The following WDR41 variants were observed in gnomAD, a reference collection of about 807,000 sequenced individuals.
WDR41 encodes WD repeat domain 41.
WDR41 carries 63 observed loss-of-function variants against 69.3 expected under a neutral mutation model. The ratio of observed to expected loss-of-function variants is 0.91; its 90% CI spans 0.74 to 1.12. The LOEUF is 1.12. Among genes scored for constraint, WDR41 ranks in the 50% most tolerant of loss-of-function variants. WDR41 has a pLI of 0.00. For synonymous variants in WDR41, 185 were observed against 192.1 expected, an observed-to-expected ratio of 0.96 and a Z score of 0.31; for missense variants, 543 against 534.5, an observed-to-expected ratio of 1.02 and a Z score of -0.16.
At chr5:77,496,151 G>A (rs1247571426), upstream of WDR41, among the ~76,000 whole-genome samples, 2 of 152,004 alleles carry the variant, frequency 1.3e-5, no homozygotes, top group African/African-American at 2.4e-5. Flanking sequence ...AAAACCCATG[G>A]TTAACATCAC....
chr5:77,506,819 T>C (rs1404659917), intron 1 of WDR41, among the ~76,000 whole-genome samples: 1 of 152,002 alleles, frequency 6.6e-6, no homozygotes, highest in Non-Finnish European at 1.5e-5. Flanking sequence ...TTCTCAGTCA[T>C]TGGTGGGAAC....
chr5:77,515,860 T>A (rs962844907), intron 1 of WDR41, among the ~76,000 whole-genome samples: 1 of 152,246 alleles, frequency 6.6e-6, no homozygotes, highest in Admixed American at 6.5e-5. Flanking sequence ...TCATTTTCAA[T>A]GGCCATTTGA....
intron 1 of WDR41, among the ~76,000 whole-genome samples, chr5:77,573,915 G>C (rs1391014011): frequency 1.3e-5 from 2 of 152,168 alleles, no homozygotes; most frequent in African/African-American, 4.8e-5. Flanking sequence ...TTCTAGAAGA[G>C]AGAACCCTGG....
chr5:77,465,261 CCTT>C (rs754012481), intron 2 of WDR41, among the ~76,000 whole-genome samples: 4 of 152,066 alleles, frequency 2.6e-5, no homozygotes, highest in Non-Finnish European at 4.4e-5. Context: ...CAGCTCAACT[CCTT>C]AGTCTTTCCA....
At chr5:77,557,519 A>C (rs1743424362) in intron 1 of WDR41, among the ~76,000 whole-genome samples, 1 of 152,234 alleles carries the variant, frequency 6.6e-6, no homozygotes, top group Non-Finnish European at 1.5e-5. Flanking sequence ...ATGACATTTC[A>C]CATCTGTAAA....
intron 2 of WDR41, among the ~76,000 whole-genome samples, chr5:77,474,698 A>G (rs1417666271): frequency 6.6e-6 from 1 of 151,408 alleles, no homozygotes; most frequent in Non-Finnish European, 1.5e-5. Flanking sequence ...TCACAAACAA[A>G]GATTGCATAG....
At chr5:77,610,923 A>G (rs1406682260) in intron 1 of WDR41, among the ~76,000 whole-genome samples, 3 of 151,996 alleles carry the variant, frequency 2.0e-5, no homozygotes, top group Admixed American at 6.6e-5. Context: ...CTCACGTGCA[A>G]AGACACACAT....
intron 1 of WDR41, among the ~76,000 whole-genome samples, chr5:77,550,941 T>C (rs1743284164): frequency 6.6e-6 from 1 of 152,128 alleles, no homozygotes; most frequent in Non-Finnish European, 1.5e-5. Flanking sequence ...CTAAGCAAAT[T>C]AATGCAGGAA....
intron 1 of WDR41, among the ~76,000 whole-genome samples, chr5:77,529,647 T>C (rs1363907188): frequency 6.6e-6 from 1 of 151,576 alleles, no homozygotes; most frequent in Non-Finnish European, 1.5e-5. Context: ...ATTAAGTCAA[T>C]GTGGTATTGG....
chr5:77,471,515 T>C (rs1008071531), intron 2 of WDR41, among the ~76,000 whole-genome samples: 2 of 151,758 alleles, frequency 1.3e-5, no homozygotes, highest in East Asian at 1.9e-4. Context: ...ATCAACAAAA[T>C]TGATAGAACG....
intron 1 of WDR41, chr5:77,582,403 G>A: frequency 6.2e-7 from 1 of 1,610,614 alleles, no homozygotes; most frequent in Non-Finnish European, 8.5e-7. Context: ...GAAGAAGAAG[G>A]AGGTTCCTGC....
rs1040370313 is a variant in WDR41 at position 77,431,835 on chromosome 5, A to G, written c.*1300T>C. The G allele has an allele frequency of 2.0e-5, 3 of 151,970 alleles. No homozygotes were observed. Among genetic ancestry groups the G allele is most frequent in the African/African-American group, 7.2e-5 (3 of 41,384 alleles). 9.4% of individuals were successfully genotyped at this position (151,970 alleles called of 1,614,324 possible). A position where few individuals can be genotyped will look rare whatever the true frequency, so the allele number is the denominator to read the frequency against. On this transcript the variant is annotated 3_prime_UTR_variant, in exon 13 of 13. Transcript: ENST00000296679. ...TTAAGTTTTAATATTTCTCCATAGA[A>G]CTTTTCATGACTCAATGTTGTTTGG...
intron 2 of WDR41, among the ~76,000 whole-genome samples, chr5:77,483,084 T>C (rs1581756764): frequency 6.6e-6 from 1 of 152,184 alleles, no homozygotes; most frequent in East Asian, 1.9e-4. Flanking sequence ...TCCATTTCCT[T>C]TGTCTTGTCA....
At chr5:77,474,905 C>T (rs1314751985) in intron 2 of WDR41, among the ~76,000 whole-genome samples, 4 of 152,118 alleles carry the variant, frequency 2.6e-5, no homozygotes, top group South Asian at 2.1e-4. Flanking sequence ...TCTGAGGTAC[C>T]GGGTTCGTCT....
At chr5:77,485,526 TA>T (rs1801476248) in intron 2 of WDR41, among the ~76,000 whole-genome samples, 1 of 152,172 alleles carries the variant, frequency 6.6e-6, no homozygotes, top group African/African-American at 2.4e-5. Flanking sequence ...CCATCCTACA[TA>T]ACCTTGTCTG....
At chr5:77,574,938 C>T (rs1324728738) in intron 1 of WDR41, among the ~76,000 whole-genome samples, 1 of 152,034 alleles carries the variant, frequency 6.6e-6, no homozygotes, top group African/African-American at 2.4e-5. Flanking sequence ...TCTCCAGAGA[C>T]CAAACATAAA....
intron 1 of WDR41, among the ~76,000 whole-genome samples, chr5:77,586,984 C>G (rs1305826941): frequency 5.9e-5 from 9 of 152,026 alleles, no homozygotes; most frequent in Non-Finnish European, 7.4e-5. Flanking sequence ...TCCCAAAGTG[C>G]TGGGATTACA....
chr5:77,439,528 A>G (rs931726750), intron 9 of WDR41, among the ~76,000 whole-genome samples: 1 of 152,232 alleles, frequency 6.6e-6, no homozygotes, highest in Non-Finnish European at 1.5e-5. Flanking sequence ...AACTCATTCT[A>G]TAGACCAGGA....
chr5:77,510,305 C>T (rs1435482789), intron 1 of WDR41, among the ~76,000 whole-genome samples: 5 of 152,136 alleles, frequency 3.3e-5, no homozygotes, highest in Non-Finnish European at 2.9e-5. Flanking sequence ...ACAAGAACAG[C>T]ATGGGAAAGA....
Sources: allele counts gnomAD v4.1 joint callset (sites outside exome capture counted in the v4.1 genomes callset), GRCh38; gene constraint gnomAD v4.1.1; transcripts MANE v1.5; gene names NCBI Gene and HGNC (gene_info 2026-07-23, HGNC 2026-07-21).